DGKB: variants seen among roughly 807,000 people sequenced by gnomAD.
DGKB encodes the protein 90 kDa diacylglycerol kinase.
A neutral mutation model predicts 114.3 loss-of-function variants in DGKB; 67 were observed. That is an observed-to-expected ratio of 0.59 (90% CI 0.48 to 0.72). The LOEUF is 0.72. DGKB is among the 30% of genes least tolerant of loss of function. The pLI is 0.00. For synonymous variants in DGKB, 398 were observed against 323.1 expected (o/e 1.23, Z -2.49); for missense variants, 907 against 975.2 (o/e 0.93, Z 0.93).
intron 7 of DGKB, among the ~76,000 whole-genome samples, chr7:14,700,435 A>C (rs1364509546): frequency 6.6e-6 from 1 of 151,832 alleles, no homozygotes; most frequent in Non-Finnish European, 1.5e-5. Context: ...CTGGTCTCAA[A>C]CTCCTGACTT....
At chr7:14,704,793 G>T (rs1485871674) in intron 6 of DGKB, among the ~76,000 whole-genome samples, 1 of 152,056 alleles carries the variant, frequency 6.6e-6, no homozygotes, top group East Asian at 1.9e-4. Flanking sequence ...AAACAGAAAG[G>T]ACATCCACAC....
chr7:14,730,841 T>A (rs1204923013), intron 5 of DGKB, among the ~76,000 whole-genome samples: 1 of 152,150 alleles, frequency 6.6e-6, no homozygotes, highest in Non-Finnish European at 1.5e-5. Context: ...ATATTGAGGA[T>A]TTAAGTTTGC....
chr7:14,876,991 C>T (rs979262525), intron 1 of DGKB, among the ~76,000 whole-genome samples: 7 of 152,138 alleles, frequency 4.6e-5, no homozygotes, highest in Non-Finnish European at 1.0e-4. Context: ...ATATCTTGCA[C>T]ATTTTATGTG....
At chr7:14,514,632 T>G (rs1033116484) in intron 20 of DGKB, among the ~76,000 whole-genome samples, 1 of 152,180 alleles carries the variant, frequency 6.6e-6, no homozygotes, top group Non-Finnish European at 1.5e-5. Flanking sequence ...ATCACATATA[T>G]TGAGATCTTA....
chr7:14,230,978 T>A (rs1791635125), intron 23 of DGKB, among the ~76,000 whole-genome samples: 1 of 152,092 alleles, frequency 6.6e-6, no homozygotes, highest in Admixed American at 6.6e-5. Flanking sequence ...ACTACTATTA[T>A]GCTGTGATCT....
chr7:14,841,191 T>C lies in DGKB; in HGVS notation c.70+3A>G, dbSNP rs1338895055. 6.2e-7 allele frequency: 1 copy of C among 1,609,754 alleles called. No individual in the cohort carries two copies. Among genetic ancestry groups the C allele is most frequent in the Non-Finnish European group, 8.5e-7 (1 of 1,177,108 alleles). Reference sequence around the variant, plus strand: ...ATCTCATAATATCAATATGAATACTTACACTCAGCATATTTCTGAAGTTGG... The same window carrying C: ...ATCTCATAATATCAATATGAATACTCACACTCAGCATATTTCTGAAGTTGG... On this transcript the variant is annotated splice_donor_region_variant and intron_variant, in intron 2 of 25. Transcript: ENST00000402815.
chr7:14,436,928 T>C (rs1437180917), intron 21 of DGKB, among the ~76,000 whole-genome samples: 1 of 152,090 alleles, frequency 6.6e-6, no homozygotes, highest in Non-Finnish European at 1.5e-5. Context: ...AAAAACTATA[T>C]TATAGTTAAA....
At chr7:14,666,527 G>A (rs1207318973) in intron 13 of DGKB, among the ~76,000 whole-genome samples, 2 of 151,972 alleles carry the variant, frequency 1.3e-5, no homozygotes, top group Non-Finnish European at 2.9e-5. Flanking sequence ...CAAGAACCAA[G>A]AATGCATTTT....
At chr7:14,743,206 G>A (rs928694420) in intron 4 of DGKB, among the ~76,000 whole-genome samples, 3 of 151,982 alleles carry the variant, frequency 2.0e-5, no homozygotes, top group Non-Finnish European at 4.4e-5. Context: ...CTAATGTAAG[G>A]GTAAAATTTG....
Position 14,238,381 on chromosome 7 carries a change from C to T in DGKB, c.2123-60230G>A, listed in dbSNP as rs116262520. ...CTTCTTCTGCCCTAACTATAAGTTT[C>T]CTGAGGCCTCCCCAGCCATGTGGAA... On this transcript the variant is annotated intron_variant, in intron 23 of 25. Transcript: ENST00000402815. 9.6e-3 allele frequency among the ~76,000 whole-genome samples: 1,466 copies of T among 152,014 alleles called. 19 individuals are homozygous for T. The highest frequency in any genetic ancestry group is 0.033 in the African/African-American group (1,381 of 41,498).
intron 1 of DGKB, among the ~76,000 whole-genome samples, chr7:14,845,493 C>T (rs1002107659): frequency 1.3e-5 from 2 of 152,150 alleles, no homozygotes; most frequent in Non-Finnish European, 2.9e-5. Context: ...TGATTTTCAT[C>T]CAACCTATAT....
intron 21 of DGKB, among the ~76,000 whole-genome samples, chr7:14,418,399 A>G (rs1164852181): frequency 4.9e-5 from 7 of 142,900 alleles, no homozygotes; most frequent in Non-Finnish European, 6.0e-5. Flanking sequence ...ATATACACAC[A>G]CACATATATT....
At chr7:14,283,667 T>A (rs1227982988) in intron 23 of DGKB, among the ~76,000 whole-genome samples, 1 of 151,124 alleles carries the variant, frequency 6.6e-6, no homozygotes, top group Admixed American at 6.6e-5. Flanking sequence ...AAAACAGAGA[T>A]ATAGATCAAT....
At position 14,267,665 on chromosome 7, in the gene DGKB, T is replaced by C. The variant is rs182877450; in HGVS notation, c.2122+70850A>G. Reference sequence around the variant, plus strand: ...CACCATGCCCAGCTAATTTTTTGTATTTTTTAGCAGAGACGGGGTTTTACC... The same window carrying C: ...CACCATGCCCAGCTAATTTTTTGTACTTTTTAGCAGAGACGGGGTTTTACC... On this transcript the variant is annotated intron_variant, in intron 23 of 25. Coordinates refer to ENST00000402815, the MANE Select transcript of DGKB (RefSeq NM_001350709.2). 4.5e-4 allele frequency among the ~76,000 whole-genome samples: 68 copies of C among 151,838 alleles called. 1 individual carries two copies. The highest frequency in any genetic ancestry group is 5.9e-5 in the Non-Finnish European group (4 of 67,940).
At chr7:14,898,505 T>C (rs1054836870) in intron 1 of DGKB, among the ~76,000 whole-genome samples, 5 of 152,078 alleles carry the variant, frequency 3.3e-5, no homozygotes, top group African/African-American at 4.8e-5. Flanking sequence ...ATGATCAAGA[T>C]TAAATATGCA....
chr7:14,324,443 T>G (rs1484337610), intron 23 of DGKB, among the ~76,000 whole-genome samples: 1 of 72,352 alleles, frequency 1.4e-5, no homozygotes, highest in East Asian at 4.0e-4. Flanking sequence ...TGAGACTCTG[T>G]CTCAAAAAAA....
chr7:14,290,370 A>G (rs1283745039), intron 23 of DGKB, among the ~76,000 whole-genome samples: 1 of 152,102 alleles, frequency 6.6e-6, no homozygotes, highest in Non-Finnish European at 1.5e-5. Context: ...ATAGCCTGAA[A>G]GCCTATAAAT....
chr7:14,544,432 C>T (rs1243584065), intron 20 of DGKB, among the ~76,000 whole-genome samples: 3 of 152,098 alleles, frequency 2.0e-5, no homozygotes, highest in East Asian at 1.9e-4. Flanking sequence ...ATGTAAAATA[C>T]AGTTTCATTC....
At chr7:14,332,533 C>G (rs1311866036) in intron 23 of DGKB, among the ~76,000 whole-genome samples, 2 of 152,188 alleles carry the variant, frequency 1.3e-5, no homozygotes, top group Non-Finnish European at 2.9e-5. Flanking sequence ...TTGGCAACAT[C>G]TAAGTATCTT....
Sources: allele counts gnomAD v4.1 joint callset (sites outside exome capture counted in the v4.1 genomes callset), GRCh38; gene constraint gnomAD v4.1.1; transcripts MANE v1.5; gene names NCBI Gene and HGNC (gene_info 2026-07-23, HGNC 2026-07-21).